The following RAD54L variants were observed in gnomAD, a reference collection of about 807,000 sequenced individuals.
RAD54L encodes the protein RAD54 like.
A neutral mutation model predicts 91.6 loss-of-function variants in RAD54L; 74 were observed. The observed-to-expected ratio is 0.81, with a 90% confidence interval of 0.67 to 0.98. RAD54L has a LOEUF of 0.98. Among genes scored for constraint, RAD54L ranks in the 50% least tolerant of loss-of-function variants. The pLI is 0.00. For synonymous variants in RAD54L, 304 were observed against 349.7 expected (o/e 0.87, Z 1.46); for missense variants, 887 against 945.7 (o/e 0.94, Z 0.81).
Position 46,259,949 on chromosome 1 carries a change from A to T in RAD54L, c.272-15A>T, listed in dbSNP as rs1473571002. On this transcript the variant is annotated splice_polypyrimidine_tract_variant and intron_variant, in intron 4 of 17. Transcript: ENST00000371975. ...AAACATAGATTCAGGTGACGGAATG[A>T]TTATTGGTTTGTAGGTCCTCTGGGC... 1 of 1,613,908 alleles carries T rather than the reference A, an allele frequency of 6.2e-7. No homozygotes were observed. Among genetic ancestry groups the T allele is most frequent in the Non-Finnish European group, 8.5e-7 (1 of 1,180,022 alleles).
At position 46,259,999 on chromosome 1, in the gene RAD54L, G is replaced by A. The variant is rs1377486070; in HGVS notation, c.307G>A (p.Ala103Thr). Residue 103 changes from alanine to threonine, a missense_variant, in exon 5 of 18, where the codon GCT (alanine) becomes ACT (threonine). Ala to Thr is a moderately conservative substitution (Grantham distance 58). Transcript: ENST00000371975. The stretch of plus-strand genomic sequence containing the variant: ...CTCTCGAGCATTGGGCCTGAAAAGG[G>A]CTGGGGTCCGCCGGGCCCTCCATGA... The part of the protein sequence containing the change: ...LGSRALGLKR[A>T]GVRRALHDPL... The A allele has an allele frequency of 6.2e-7, 1 of 1,614,138 alleles. No homozygotes were observed. Among genetic ancestry groups the A allele is most frequent in the East Asian group, 2.2e-5 (1 of 44,882 alleles).
chr1:46,276,443 G>A (rs1305925399), intron 16 of RAD54L, among the ~76,000 whole-genome samples: 2 of 152,192 alleles, frequency 1.3e-5, no homozygotes, highest in Non-Finnish European at 1.5e-5. Flanking sequence ...TTAACGGCAT[G>A]AGCCACCACA....
At chr1:46,251,441 C>T (rs1042553521) in intron 3 of RAD54L, among the ~76,000 whole-genome samples, 2 of 152,160 alleles carry the variant, frequency 1.3e-5, no homozygotes, top group Non-Finnish European at 2.9e-5. Flanking sequence ...ACCCATAATC[C>T]CTTTTCCCAT....
rs72901049 is a variant in RAD54L, at chr1:46,265,340, C to A, written c.892-2119C>A. Reference sequence around the variant, plus strand: ...TCTACTAAAAATACAAAAGTTAGCCCGGCATAGTAACACATGCCTGTAATA... The same window carrying A: ...TCTACTAAAAATACAAAAGTTAGCCAGGCATAGTAACACATGCCTGTAATA... On this transcript the variant is annotated intron_variant, in intron 8 of 17. Transcript: ENST00000371975. This position sits in a 1 kb window ranked among gnomAD's most constrained non-coding sequence, Gnocchi z 4.8. Among the ~76,000 whole-genome samples, 1 of 152,048 alleles carries A rather than the reference C, an allele frequency of 6.6e-6. No individual in the cohort carries two copies. Among genetic ancestry groups the A allele is most frequent in the African/African-American group, 2.4e-5 (1 of 41,418 alleles).
At chr1:46,274,484 G>C in intron 15 of RAD54L, 54 bp from the exon 16 acceptor site, 1 of 1,587,472 alleles carries the variant, frequency 6.3e-7, no homozygotes, top group South Asian at 1.1e-5. Context: ...GGCTGAGCAG[G>C]ATCCCAGTTT....
In RAD54L at chr1:46,277,897, G is replaced by A. The variant is rs933708903; in HGVS notation, c.1950G>A (p.Gln650=). Residue 650 remains glutamine (Q), a synonymous_variant, in exon 17 of 18, where the codon CAG becomes CAA. Coordinates refer to ENST00000371975, the MANE Select transcript of RAD54L (RefSeq NM_003579.4). ...GCAGCTGTGTGGTGGATGAGGAGCA[G>A]GATGTAGAGCGCCACTTCTCTCTGG... ...ALSSCVVDEE[Q]DVERHFSLGE... is the part of the protein sequence containing the mutation. 5 of 1,613,982 alleles carry A rather than the reference G, an allele frequency of 3.1e-6. No individual in the cohort carries two copies. The African/African-American group carries it at 5.3e-5, about 17-fold the overall frequency.
chr1:46,260,472 G>T, intron 5 of RAD54L, 70 bp from the exon 6 acceptor site: 1 of 1,466,360 alleles, frequency 6.8e-7, no homozygotes, highest in South Asian at 1.1e-5. Context: ...GGATCAGCAG[G>T]ACACAGCTTC....
chr1:46,266,736 G>A (rs1407744183), intron 8 of RAD54L, among the ~76,000 whole-genome samples: 1 of 152,206 alleles, frequency 6.6e-6, no homozygotes, highest in Non-Finnish European at 1.5e-5. Flanking sequence ...GTCTGGCTCA[G>A]AAGGTTCTGA....
chr1:46,264,527 G>A (rs1660215619), intron 8 of RAD54L, among the ~76,000 whole-genome samples: 1 of 152,250 alleles, frequency 6.6e-6, no homozygotes, highest in Non-Finnish European at 1.5e-5. Flanking sequence ...AGACTGCTCT[G>A]AGATTGTTTC....
Position 46,247,792 on chromosome 1 carries a change from TGAG to T in RAD54L, c.-613_-611del, listed in dbSNP as rs1487948560. 4 of 164,050 alleles carry T rather than the reference TGAG, an allele frequency of 2.4e-5. No individual in the cohort carries two copies. The highest frequency in any genetic ancestry group is 5.4e-5 in the Non-Finnish European group (4 of 74,324). The allele number at this position is 164,050 out of a possible 1,614,324, so 10.2% of individuals were successfully genotyped here. A position where few individuals can be genotyped will look rare whatever the true frequency, so the allele number is the denominator to read the frequency against. On this transcript the variant is annotated 5_prime_UTR_variant, in exon 1 of 18. Coordinates refer to ENST00000371975, the MANE Select transcript of RAD54L (RefSeq NM_003579.4). The stretch of plus-strand genomic sequence containing the variant: ...ACGCGCGCTTTGGGAACAGGAAGGT[TGAG>T]AGAGAGGTGCTGGGGTCTGCGTCTA...
At chr1:46,259,138 G>A (rs1402711554) in intron 4 of RAD54L, among the ~76,000 whole-genome samples, 1 of 151,880 alleles carries the variant, frequency 6.6e-6, no homozygotes, top group Non-Finnish European at 1.5e-5. Flanking sequence ...CTAAAACTGG[G>A]GCTTGGAGGA....
At chr1:46,268,542 T>C (rs1391443331) in intron 9 of RAD54L, among the ~76,000 whole-genome samples, 2 of 152,230 alleles carry the variant, frequency 1.3e-5, no homozygotes, top group African/African-American at 2.4e-5. Context: ...TTCTAATCAC[T>C]ATCCTCTCCT....
chr1:46,277,140 C>T (rs1324629561), intron 16 of RAD54L, among the ~76,000 whole-genome samples: 1 of 152,186 alleles, frequency 6.6e-6, no homozygotes, highest in Non-Finnish European at 1.5e-5. Flanking sequence ...AGTCTCAGCT[C>T]TTACTATACT....
intron 8 of RAD54L, 29 bp downstream of exon 8, chr1:46,261,414 A>G: frequency 2.5e-6 from 4 of 1,613,794 alleles, no homozygotes; most frequent in Non-Finnish European, 3.4e-6. Flanking sequence ...TCTGGGTGGT[A>G]GGAGAAAATC....
At position 46,255,788 on chromosome 1, in the gene RAD54L, G is replaced by A. The variant is rs189483242; in HGVS notation, c.211-2898G>A. Among the ~76,000 whole-genome samples, 442 of 152,008 alleles carry A rather than the reference G, an allele frequency of 2.9e-3. 1 individual carries two copies. Among genetic ancestry groups the A allele is most frequent in the Non-Finnish European group, 4.0e-3 (273 of 67,956 alleles). On this transcript the variant is annotated intron_variant, in intron 3 of 17. Transcript: ENST00000371975. ...AGTGCTGGGATTACAGGCGTGCACT[G>A]TGCCCAGCAGGCCATTCCATTTTGC...
chr1:46,278,036 A>G, intron 17 of RAD54L, 36 bp from the exon 18 acceptor site: 1 of 1,614,088 alleles, frequency 6.2e-7, no homozygotes, highest in Non-Finnish European at 8.5e-7. Flanking sequence ...GGGAGATGGG[A>G]TCTGTAGTGA....
At chr1:46,266,056 A>G (rs893216360) in intron 8 of RAD54L, among the ~76,000 whole-genome samples, 1 of 152,230 alleles carries the variant, frequency 6.6e-6, no homozygotes, top group Non-Finnish European at 1.5e-5. Context: ...GAGTTGAGAG[A>G]GACAAGCAGC....
chr1:46,264,999 C>T (rs1335016238), intron 8 of RAD54L, among the ~76,000 whole-genome samples: 1 of 152,116 alleles, frequency 6.6e-6, no homozygotes, highest in Non-Finnish European at 1.5e-5. Flanking sequence ...ATGTGTCAAG[C>T]CCTGGAGATC....
chr1:46,270,558 G>A, intron 9 of RAD54L, 101 bp from the exon 10 acceptor site: 1 of 1,488,452 alleles, frequency 6.7e-7, no homozygotes, highest in Non-Finnish European at 9.3e-7. Context: ...CCTTGTTCTT[G>A]GTAGGAAGGC....
Sources: allele counts gnomAD v4.1 joint callset (sites outside exome capture counted in the v4.1 genomes callset), GRCh38; gene constraint gnomAD v4.1.1; non-coding constraint Gnocchi (gnomAD v3.1); transcripts MANE v1.5; gene names NCBI Gene and HGNC (gene_info 2026-07-23, HGNC 2026-07-21).